Variants in NPAS3 observed in about 807,000 individuals in gnomAD.
The protein encoded by NPAS3 is neuronal PAS domain protein 3, also known as neuronal PAS domain-containing protein 3.
A neutral mutation model predicts 73.1 loss-of-function variants in NPAS3; 14 were observed. The ratio of observed to expected loss-of-function variants is 0.19; its 90% confidence interval spans 0.13 to 0.30. The LOEUF is 0.30. NPAS3 is among the 10% of genes least tolerant of loss of function. The pLI is 1.00. For synonymous variants in NPAS3, 620 were observed against 541.5 expected (o/e 1.14, Z -2.01); for missense variants, 1,096 against 1,250.0 (o/e 0.88, Z 1.86).
At chr14:33,287,757 G>A (rs1302799182) in intron 3 of NPAS3, among the ~76,000 whole-genome samples, 2 of 152,106 alleles carry the variant, frequency 1.3e-5, no homozygotes, top group African/African-American at 2.4e-5. Context: ...TTTTCTATAT[G>A]AGAAAATGGA....
chr14:33,032,297 A>T (rs2040022201), intron 1 of NPAS3, among the ~76,000 whole-genome samples: 1 of 152,180 alleles, frequency 6.6e-6, no homozygotes, highest in African/African-American at 2.4e-5. Flanking sequence ...GGTTTTAGAA[A>T]GATTAATTTA....
At chr14:33,590,937 CAGGCCTCTGACTTCATGGTCCAG>C (rs764500678) in intron 5 of NPAS3, among the ~76,000 whole-genome samples, 2 of 152,198 alleles carry the variant, frequency 1.3e-5, no homozygotes, top group Non-Finnish European at 2.9e-5. Flanking sequence ...GCACATTAGG[CAGGCCTCTGACTTCATGGTCCAG>C]AGGTTTTTGG....
At chr14:33,677,320 A>G (rs1469194157) in intron 6 of NPAS3, among the ~76,000 whole-genome samples, 2 of 152,182 alleles carry the variant, frequency 1.3e-5, no homozygotes, top group Non-Finnish European at 2.9e-5. Context: ...GCCAAGCAGC[A>G]GTGGTTTAAA....
At chr14:32,958,000 A>G (rs1455910743) in intron 1 of NPAS3, among the ~76,000 whole-genome samples, 1 of 152,166 alleles carries the variant, frequency 6.6e-6, no homozygotes, top group Non-Finnish European at 1.5e-5. Context: ...GAAAAGCTCC[A>G]GTTTAGCTTT....
At chr14:33,416,043 A>G (rs1050326265) in intron 4 of NPAS3, among the ~76,000 whole-genome samples, 12 of 152,220 alleles carry the variant, frequency 7.9e-5, no homozygotes, top group African/African-American at 2.9e-4. Flanking sequence ...TCCCTGCTAC[A>G]TGGGAGTACC....
At chr14:33,464,582 T>C (rs78535812) in intron 4 of NPAS3, among the ~76,000 whole-genome samples, 66 of 152,294 alleles carry the variant, frequency 4.3e-4, no homozygotes, top group African/African-American at 1.5e-3. Flanking sequence ...ACCCTCTGAT[T>C]CCTGGGATCT....
At chr14:33,009,480 T>C (rs2039115442) in intron 1 of NPAS3, among the ~76,000 whole-genome samples, 1 of 152,152 alleles carries the variant, frequency 6.6e-6, no homozygotes, top group Non-Finnish European at 1.5e-5. Context: ...AGAGAGCATC[T>C]TTAGGCATCT....
At chr14:33,360,463 G>C (rs1039328586) in intron 3 of NPAS3, among the ~76,000 whole-genome samples, 9 of 151,988 alleles carry the variant, frequency 5.9e-5, no homozygotes, top group Non-Finnish European at 1.3e-4. Flanking sequence ...TATTTATTTT[G>C]TAAAGAAAAA....
chr14:33,571,827 C>T (rs533710035), intron 5 of NPAS3, among the ~76,000 whole-genome samples: 27 of 152,224 alleles, frequency 1.8e-4, no homozygotes, highest in African/African-American at 5.5e-4. Context: ...TTTGAGCACT[C>T]GAAATTGAAA....
chr14:33,216,689 C>T (rs550753062), intron 3 of NPAS3, among the ~76,000 whole-genome samples: 5 of 152,132 alleles, frequency 3.3e-5, no homozygotes, highest in East Asian at 3.9e-4. Context: ...AACAAAACAG[C>T]GTGGCTGTGT....
intron 4 of NPAS3, among the ~76,000 whole-genome samples, chr14:33,409,109 C>T (rs1048646712): frequency 1.3e-5 from 2 of 152,026 alleles, no homozygotes; most frequent in Non-Finnish European, 2.9e-5. Context: ...ACTTTATTTG[C>T]AGAATAAATT....
At chr14:33,733,041 G>A (rs1333969762) in intron 6 of NPAS3, among the ~76,000 whole-genome samples, 1 of 152,162 alleles carries the variant, frequency 6.6e-6, no homozygotes, top group African/African-American at 2.4e-5. Flanking sequence ...AGGGGCTCCA[G>A]GACCCCAGCG....
intron 4 of NPAS3, among the ~76,000 whole-genome samples, chr14:33,370,115 A>G (rs2046022090): frequency 6.6e-6 from 1 of 152,132 alleles, no homozygotes; most frequent in African/African-American, 2.4e-5. Context: ...ATCCCCCACA[A>G]GTTTCAAATA....
At chr14:33,364,824 A>C (rs993687453) in intron 3 of NPAS3, among the ~76,000 whole-genome samples, 4 of 150,124 alleles carry the variant, frequency 2.7e-5, no homozygotes, top group African/African-American at 9.8e-5. Context: ...TTCAGAAGGC[A>C]TTTGAGCAGC....
At chr14:33,214,900 C>T in intron 2 of NPAS3, 2 of 411,232 alleles carry the variant, frequency 4.9e-6, no homozygotes, top group Non-Finnish European at 4.4e-6. Flanking sequence ...GTCTTAGAAA[C>T]AATAAATACA....
intron 4 of NPAS3, among the ~76,000 whole-genome samples, chr14:33,466,143 G>A (rs1050915525): frequency 4.6e-5 from 7 of 152,062 alleles, no homozygotes; most frequent in African/African-American, 1.7e-4. Flanking sequence ...TACACTGTGT[G>A]GGAGAGAGGA....
intron 2 of NPAS3, among the ~76,000 whole-genome samples, chr14:33,198,668 C>T (rs929184436): frequency 6.6e-6 from 1 of 152,364 alleles, no homozygotes; most frequent in African/African-American, 2.4e-5. Context: ...AGGAGCCCAG[C>T]TGGTTTCCCC....
intron 3 of NPAS3, among the ~76,000 whole-genome samples, chr14:33,364,145 T>C (rs777992253): frequency 2.0e-5 from 3 of 152,166 alleles, no homozygotes; most frequent in Non-Finnish European, 4.4e-5. Flanking sequence ...TACAGAAATC[T>C]GAGAGAGCTT....
chr14:33,757,346 A>G (rs943522745), intron 7 of NPAS3, among the ~76,000 whole-genome samples: 3 of 152,190 alleles, frequency 2.0e-5, no homozygotes, highest in African/African-American at 7.2e-5. Flanking sequence ...ATTGTGTAAG[A>G]CAGGGATGAA....
Sources: gnomAD v4.1 joint callset for allele counts (sites outside exome capture counted in the v4.1 genomes callset) on GRCh38, gnomAD v4.1.1 for gene constraint, MANE v1.5 for transcripts, NCBI Gene and HGNC (gene_info 2026-07-23, HGNC 2026-07-21) for gene names.